NPAS3: variants seen among roughly 807,000 people sequenced by gnomAD.
NPAS3 encodes neuronal PAS domain protein 3.
In NPAS3, 14 loss-of-function variants were observed where a neutral mutation model predicts 73.1. That is an observed-to-expected ratio of 0.19 (90% CI 0.13 to 0.30). The LOEUF is 0.30. Ranked by LOEUF, NPAS3 falls within the 10% of genes least tolerant of loss-of-function variation. The pLI is 1.00. For synonymous variants in NPAS3, 620 were observed against 541.5 expected, an observed-to-expected ratio of 1.14 and a Z score of -2.01; for missense variants, 1,096 against 1,250.0, an observed-to-expected ratio of 0.88 and a Z score of 1.86.
intron 5 of NPAS3, among the ~76,000 whole-genome samples, chr14:33,652,525 G>A (rs1490636367): frequency 6.6e-6 from 1 of 152,126 alleles, no homozygotes; most frequent in Non-Finnish European, 1.5e-5. Context: ...TAGTGACCAG[G>A]GGCTCGCAGA....
At chr14:32,978,402 A>G (rs17099780) in intron 1 of NPAS3, among the ~76,000 whole-genome samples, 3,211 of 152,246 alleles carry the variant, frequency 0.021, 115 homozygotes, top group African/African-American at 0.073. Context: ...TTTCACTTGT[A>G]TTTTGCGTGA....
At chr14:33,036,887 A>G (rs895324131) in intron 1 of NPAS3, among the ~76,000 whole-genome samples, 1 of 152,238 alleles carries the variant, frequency 6.6e-6, no homozygotes, top group East Asian at 1.9e-4. Flanking sequence ...ACCTGCACAC[A>G]GATCTAGGTA....
chr14:33,015,295 T>G (rs2039350267), intron 1 of NPAS3, among the ~76,000 whole-genome samples: 1 of 152,176 alleles, frequency 6.6e-6, no homozygotes, highest in African/African-American at 2.4e-5. Context: ...GGTGGCTTGT[T>G]GTTAGGACCA....
chr14:33,550,338 C>A (rs1362512242), intron 4 of NPAS3, among the ~76,000 whole-genome samples: 2 of 152,208 alleles, frequency 1.3e-5, no homozygotes, highest in East Asian at 3.8e-4. Flanking sequence ...GTACACTTAG[C>A]AAATTTGGTC....
At chr14:32,955,829 TA>T (rs997929744) in intron 1 of NPAS3, among the ~76,000 whole-genome samples, 45 of 152,132 alleles carry the variant, frequency 3.0e-4, no homozygotes, top group African/African-American at 9.4e-4. Flanking sequence ...ATCTCAGATG[TA>T]AAAAAGAAAT....
At chr14:33,738,324 G>C (rs190184227) in intron 7 of NPAS3, among the ~76,000 whole-genome samples, 1 of 152,264 alleles carries the variant, frequency 6.6e-6, no homozygotes, top group African/African-American at 2.4e-5. Context: ...CTGCTTAAAG[G>C]ATTAAGTCCC....
At chr14:32,939,931 T>C (rs2035912829) in intron 1 of NPAS3, among the ~76,000 whole-genome samples, 1 of 152,012 alleles carries the variant, frequency 6.6e-6, no homozygotes, top group South Asian at 2.1e-4. Flanking sequence ...CGCGAGCAGC[T>C]AGGCCGGGCC....
intron 4 of NPAS3, among the ~76,000 whole-genome samples, chr14:33,388,122 G>A (rs1346556328): frequency 6.6e-6 from 1 of 152,160 alleles, no homozygotes; most frequent in Non-Finnish European, 1.5e-5. Flanking sequence ...TGAATGGCAT[G>A]ATCAATGCAC....
intron 3 of NPAS3, among the ~76,000 whole-genome samples, chr14:33,277,095 A>G (rs755586360): frequency 9.2e-5 from 14 of 152,170 alleles, no homozygotes; most frequent in Non-Finnish European, 1.6e-4. Flanking sequence ...GTAATAGGGG[A>G]TGATATTTTA....
chr14:33,059,232 T>C (rs2041001446), intron 2 of NPAS3, among the ~76,000 whole-genome samples: 1 of 152,248 alleles, frequency 6.6e-6, no homozygotes, highest in Non-Finnish European at 1.5e-5. Context: ...GAATTACATA[T>C]TTAAAGACAT....
At chr14:33,509,018 T>G (rs10083500) in intron 4 of NPAS3, among the ~76,000 whole-genome samples, 4,270 of 151,612 alleles carry the variant, frequency 0.028, 162 homozygotes, top group African/African-American at 0.096. Flanking sequence ...AAGAAAGGTG[T>G]GGTTCTACTC....
At chr14:33,373,459 A>G (rs1309885371) in intron 4 of NPAS3, among the ~76,000 whole-genome samples, 4 of 151,762 alleles carry the variant, frequency 2.6e-5, no homozygotes, top group Non-Finnish European at 1.5e-5. Context: ...ACTAAGAACT[A>G]TCATGTACTT....
intron 2 of NPAS3, among the ~76,000 whole-genome samples, chr14:33,080,130 G>A (rs9322919): frequency 0.33 from 50,374 of 151,338 alleles, 8,547 homozygotes; most frequent in African/African-American, 0.43. Flanking sequence ...TTTTTGGGAC[G>A]GAGTCTCACT....
At chr14:33,080,459 GATAA>G (rs1395579589) in intron 2 of NPAS3, among the ~76,000 whole-genome samples, 3 of 152,154 alleles carry the variant, frequency 2.0e-5, no homozygotes, top group South Asian at 4.1e-4. Context: ...TAAAATAGTT[GATAA>G]ATAAATAGTA....
At chr14:33,217,130 G>A (rs2047254025) in intron 3 of NPAS3, among the ~76,000 whole-genome samples, 1 of 152,094 alleles carries the variant, frequency 6.6e-6, no homozygotes, top group African/African-American at 2.4e-5. Flanking sequence ...GAAAGAAAGA[G>A]ACAGCAAAAG....
chr14:33,236,833 G>A (rs1164451499), intron 3 of NPAS3, among the ~76,000 whole-genome samples: 4 of 152,100 alleles, frequency 2.6e-5, no homozygotes, highest in Admixed American at 2.6e-4. Flanking sequence ...TCAGTTTGTT[G>A]GAGAAGCTGT....
At chr14:33,661,137 A>G (rs1323437442) in intron 5 of NPAS3, among the ~76,000 whole-genome samples, 1 of 151,236 alleles carries the variant, frequency 6.6e-6, no homozygotes, top group East Asian at 1.9e-4. Context: ...ACTGTCTATC[A>G]TGTGATGAAA....
At chr14:33,147,731 ATATAT>A (rs1195004012) in intron 2 of NPAS3, among the ~76,000 whole-genome samples, 1,780 of 33,576 alleles carry the variant, frequency 0.053, 24 homozygotes, top group Non-Finnish European at 0.088. Context: ...AGAATAAAAA[ATATAT>A]ATATATATAT....
intron 1 of NPAS3, among the ~76,000 whole-genome samples, chr14:32,958,691 C>T (rs2036780466): frequency 6.6e-6 from 1 of 152,204 alleles, no homozygotes; most frequent in South Asian, 2.1e-4. Context: ...CATGGCCATT[C>T]ATACTTCCCA....
Sources: gnomAD v4.1 joint callset for allele counts (sites outside exome capture counted in the v4.1 genomes callset) on GRCh38, gnomAD v4.1.1 for gene constraint, MANE v1.5 for transcripts, NCBI Gene and HGNC (gene_info 2026-07-23, HGNC 2026-07-21) for gene names.